Variants in THRB observed in about 807,000 individuals in gnomAD.
THRB encodes the protein thyroid hormone receptor beta, also known as nuclear receptor subfamily 1 group A member 2.
A neutral mutation model predicts 47.8 loss-of-function variants in THRB; 12 were observed. That is an observed-to-expected ratio of 0.25 (90% CI 0.16 to 0.41). The LOEUF is 0.41. THRB is among the 10% of genes least tolerant of loss of function. THRB has a pLI of 1.00. For synonymous variants in THRB, 218 were observed against 212.2 expected, an observed-to-expected ratio of 1.03 and a Z score of -0.24; for missense variants, 348 against 589.2, an observed-to-expected ratio of 0.59 and a Z score of 4.24.
At chr3:24,256,021 A>G (rs571295945) in intron 3 of THRB, among the ~76,000 whole-genome samples, 1 of 152,216 alleles carries the variant, frequency 6.6e-6, no homozygotes, top group Non-Finnish European at 1.5e-5. Context: ...CCCACTATTT[A>G]AAGAACTCTA....
rs373837093 is a variant in THRB, at chr3:24,468,608, G to A, written c.-261+26044C>T. Among the ~76,000 whole-genome samples, 17 of 152,296 alleles carry A rather than the reference G, an allele frequency of 1.1e-4. No homozygotes were observed. In the South Asian group the frequency reaches 3.5e-3, roughly 32 times the overall value. On this transcript the variant is annotated intron_variant, in intron 1 of 10. Transcript: ENST00000646209. The stretch of plus-strand genomic sequence containing the variant: ...GTTTGAGAAGAGGGAGACAGATGGA[G>A]GATCACTGAGTCAGTGCAGCAGTTA...
intron 1 of THRB, among the ~76,000 whole-genome samples, chr3:24,471,799 A>T (rs1577831833): frequency 6.6e-6 from 1 of 152,282 alleles, no homozygotes; most frequent in East Asian, 1.9e-4. Flanking sequence ...GCATATCTCC[A>T]TTTTATCCAA....
intron 4 of THRB, among the ~76,000 whole-genome samples, chr3:24,210,961 G>A (rs1486309752): frequency 6.6e-6 from 1 of 152,032 alleles, no homozygotes; most frequent in East Asian, 1.9e-4. Flanking sequence ...CACTTTGGGA[G>A]GCTGAAGCGG....
At chr3:24,388,866 C>T (rs1237352029) in intron 1 of THRB, among the ~76,000 whole-genome samples, 3 of 152,142 alleles carry the variant, frequency 2.0e-5, no homozygotes, top group Non-Finnish European at 2.9e-5. Flanking sequence ...ACAAAATGTA[C>T]TCTCTGTGGG....
chr3:24,205,821 G>A lies in THRB; in HGVS notation c.23-15487C>T, dbSNP rs551101987. On this transcript the variant is annotated intron_variant, in intron 4 of 10. Transcript: ENST00000646209. Reference sequence around the variant, plus strand: ...ATGGAGGAAGATCTACCAAGCAAATGGAAAACAAAAAAAGGCAGAGGTTGC... The same window carrying A: ...ATGGAGGAAGATCTACCAAGCAAATAGAAAACAAAAAAAGGCAGAGGTTGC... 4.0e-5 allele frequency among the ~76,000 whole-genome samples: 6 copies of A among 151,706 alleles called. No homozygotes were observed. In the East Asian group the frequency reaches 1.2e-3, roughly 29 times the overall value.
At chr3:24,494,375 C>G (rs974332136) in intron 1 of THRB, 1 of 152,324 alleles carries the variant, frequency 6.6e-6, no homozygotes, top group African/African-American at 2.4e-5. Flanking sequence ...GAACAGAGCC[C>G]GGCCACCCTG....
At chr3:24,451,293 G>A (rs1006886663) in intron 1 of THRB, among the ~76,000 whole-genome samples, 1 of 148,506 alleles carries the variant, frequency 6.7e-6, no homozygotes, top group African/African-American at 2.5e-5. Context: ...GAGTGCAGTG[G>A]CGCGATCTCA....
At chr3:24,283,633 G>A (rs1246988711) in intron 3 of THRB, among the ~76,000 whole-genome samples, 1 of 146,816 alleles carries the variant, frequency 6.8e-6, no homozygotes, top group Non-Finnish European at 1.5e-5. Context: ...AGGAAAAGAG[G>A]AAGTCAAATT....
At chr3:24,232,493 C>T (rs764995425) in intron 3 of THRB, among the ~76,000 whole-genome samples, 7 of 152,066 alleles carry the variant, frequency 4.6e-5, no homozygotes, top group Non-Finnish European at 1.0e-4. Context: ...TGACCCCAGA[C>T]CTTTAGGCCC....
At chr3:24,489,556 C>T (rs1212074798) in intron 1 of THRB, among the ~76,000 whole-genome samples, 2 of 152,148 alleles carry the variant, frequency 1.3e-5, no homozygotes, top group African/African-American at 4.8e-5. Context: ...AGTCAAGGTT[C>T]CTAGGTCCTA....
Position 24,143,827 on chromosome 3 carries a change from G to A in THRB, c.533-121C>T, listed in dbSNP as rs527493560. 2.0e-5 allele frequency: 20 copies of A among 979,200 alleles called. 1 individual carries two copies. In the South Asian group the frequency reaches 2.0e-4, roughly 10 times the overall value. 60.7% of individuals were successfully genotyped at this position (979,200 alleles called of 1,614,324 possible). ...GCACAGATGGCTTACTGGGTCCTTC[G>A]GGGTGGGTCACACTGGGACAGTTTC... is the stretch of plus-strand genomic sequence containing the variant. On this transcript the variant is annotated intron_variant, in intron 7 of 10. Transcript: ENST00000646209.
At chr3:24,270,520 A>T (rs182783322) in intron 3 of THRB, among the ~76,000 whole-genome samples, 117 of 152,352 alleles carry the variant, frequency 7.7e-4, no homozygotes, top group African/African-American at 2.7e-3. Flanking sequence ...CTATAATGCC[A>T]TTACTCAGAC....
chr3:24,195,350 GAT>G (rs1319712425), intron 4 of THRB, among the ~76,000 whole-genome samples: 1 of 152,124 alleles, frequency 6.6e-6, no homozygotes, highest in African/African-American at 2.4e-5. Flanking sequence ...GCTATTAACC[GAT>G]ATGTTCTCCT....
At chr3:24,314,139 T>C (rs2057953343) in intron 2 of THRB, among the ~76,000 whole-genome samples, 1 of 152,216 alleles carries the variant, frequency 6.6e-6, no homozygotes, top group Non-Finnish European at 1.5e-5. Context: ...ATGATAGATT[T>C]TTATCTCCAT....
intron 10 of THRB, among the ~76,000 whole-genome samples, chr3:24,123,513 C>T (rs986622396): frequency 1.4e-4 from 21 of 151,988 alleles, no homozygotes; most frequent in Admixed American, 1.2e-3. Flanking sequence ...AGAGGATGAG[C>T]GTGGACATGC....
chr3:24,418,394 C>A (rs2068941307), intron 1 of THRB, among the ~76,000 whole-genome samples: 1 of 151,688 alleles, frequency 6.6e-6, no homozygotes, highest in Non-Finnish European at 1.5e-5. Context: ...AGACCTCCAC[C>A]CCCACTTAAC....
intron 3 of THRB, among the ~76,000 whole-genome samples, chr3:24,267,664 C>A (rs954925304): frequency 6.6e-6 from 1 of 152,212 alleles, no homozygotes; most frequent in Non-Finnish European, 1.5e-5. Context: ...AACACTCTAG[C>A]CTGTCTTCAG....
intron 1 of THRB, among the ~76,000 whole-genome samples, chr3:24,399,178 A>G (rs1388902121): frequency 2.0e-5 from 3 of 151,736 alleles, no homozygotes; most frequent in African/African-American, 2.4e-5. Context: ...GTATACATAT[A>G]TAACAAACCT....
chr3:24,233,608 A>G (rs2048546811), intron 3 of THRB, among the ~76,000 whole-genome samples: 2 of 151,726 alleles, frequency 1.3e-5, no homozygotes, highest in Admixed American at 6.6e-5. Context: ...AGAAAGAAAG[A>G]AAGAAAGAGA....
Sources: gnomAD v4.1 joint callset for allele counts (sites outside exome capture counted in the v4.1 genomes callset) on GRCh38, gnomAD v4.1.1 for gene constraint, MANE v1.5 for transcripts, NCBI Gene and HGNC (gene_info 2026-07-23, HGNC 2026-07-21) for gene names.